Variants in XKR3 observed in about 807,000 individuals in gnomAD.
The protein encoded by XKR3 is XK-related protein 3.
In XKR3, 27 loss-of-function variants were observed where a neutral mutation model predicts 40.3. The ratio of observed to expected loss-of-function variants is 0.67; its 90% CI spans 0.49 to 0.92. XKR3 has a LOEUF of 0.92. Among genes scored for constraint, XKR3 ranks in the 40% least tolerant of loss-of-function variants. The pLI, the probability that XKR3 is intolerant of heterozygous loss-of-function variation, is 0.00. For synonymous variants in XKR3, 193 were observed against 195.4 expected (o/e 0.99, Z 0.10); for missense variants, 472 against 537.6 (o/e 0.88, Z 1.21).
intron 3 of XKR3, among the ~76,000 whole-genome samples, chr22:16,799,246 T>C (rs1024798370): frequency 6.6e-6 from 1 of 151,490 alleles, no homozygotes; most frequent in African/African-American, 2.4e-5. Flanking sequence ...ACCCGATCTC[T>C]ACTAAAAATA....
chr22:16,794,535 T>G (rs1325202076), intron 3 of XKR3, among the ~76,000 whole-genome samples: 2 of 152,164 alleles, frequency 1.3e-5, no homozygotes, highest in Non-Finnish European at 2.9e-5. Context: ...ACACTTTAAA[T>G]AGATTAGGCT....
At chr22:16,804,132 T>C (rs879738580) in intron 2 of XKR3, among the ~76,000 whole-genome samples, 2 of 151,434 alleles carry the variant, frequency 1.3e-5, no homozygotes, top group Non-Finnish European at 1.5e-5. Flanking sequence ...ATAAAAACAC[T>C]CAACAAACAG....
intron 3 of XKR3, among the ~76,000 whole-genome samples, chr22:16,789,688 A>G (rs1357761272): frequency 6.6e-6 from 1 of 152,200 alleles, no homozygotes; most frequent in Non-Finnish European, 1.5e-5. Context: ...TTAATATGAA[A>G]CCGCAGAAAA....
At chr22:16,792,394 G>A (rs2060124139) in intron 3 of XKR3, among the ~76,000 whole-genome samples, 1 of 152,212 alleles carries the variant, frequency 6.6e-6, no homozygotes, top group Admixed American at 6.5e-5. Flanking sequence ...ACAGATCTGT[G>A]CGTACAATGA....
chr22:16,797,261 C>CA (rs938948397), intron 3 of XKR3, among the ~76,000 whole-genome samples: 1 of 152,050 alleles, frequency 6.6e-6, no homozygotes, highest in African/African-American at 2.4e-5. Flanking sequence ...CTGATAGTGG[C>CA]AAAAAATTTT....
intron 2 of XKR3, among the ~76,000 whole-genome samples, chr22:16,802,509 T>C (rs561133199): frequency 1.1e-3 from 167 of 152,194 alleles, no homozygotes; most frequent in African/African-American, 3.8e-3. Context: ...TTTCTTTTTT[T>C]GAGACAGAGT....
intron 3 of XKR3, among the ~76,000 whole-genome samples, chr22:16,789,449 T>C (rs908029350): frequency 6.6e-6 from 1 of 152,114 alleles, no homozygotes; most frequent in African/African-American, 2.4e-5. Context: ...AAAAAACCTT[T>C]AGAGTAAATT....
intron 3 of XKR3, among the ~76,000 whole-genome samples, chr22:16,791,613 T>TTA (rs1269018675): frequency 6.6e-6 from 1 of 151,128 alleles, no homozygotes; most frequent in Non-Finnish European, 1.5e-5. Flanking sequence ...CTATTCCATG[T>TTA]TATATATATA....
rs531962930 is a variant in XKR3, at chr22:16,818,138, A to G, written c.-11+7153T>C. Among the ~76,000 whole-genome samples, 13 of 152,222 alleles carry G rather than the reference A, an allele frequency of 8.5e-5. No individual in the cohort carries two copies. The South Asian group carries it at 2.7e-3, about 32-fold the overall frequency. ...CTATAAAATCACTTTATTATAGGTA[A>G]ATCATATCATTTCATTCTCTGCAAT... On this transcript the variant is annotated intron_variant, in intron 1 of 3. Transcript: ENST00000684488.
At chr22:16,822,151 G>A (rs1413821697) in intron 1 of XKR3, among the ~76,000 whole-genome samples, 2 of 151,942 alleles carry the variant, frequency 1.3e-5, no homozygotes, top group African/African-American at 2.4e-5. Flanking sequence ...AAATGCAATT[G>A]ACTGTTGAAA....
intron 1 of XKR3, among the ~76,000 whole-genome samples, chr22:16,812,920 G>C (rs1171218610): frequency 6.6e-6 from 1 of 152,100 alleles, no homozygotes; most frequent in African/African-American, 2.4e-5. Flanking sequence ...ACAATATGAG[G>C]CTGTTCGTGA....
chr22:16,802,302 T>C (rs957128919), intron 2 of XKR3, among the ~76,000 whole-genome samples: 1 of 152,156 alleles, frequency 6.6e-6, no homozygotes, highest in African/African-American at 2.4e-5. Flanking sequence ...TTATCTTATA[T>C]GAAGAATTTT....
At chr22:16,813,080 A>C (rs1323444501) in intron 1 of XKR3, among the ~76,000 whole-genome samples, 1 of 152,076 alleles carries the variant, frequency 6.6e-6, no homozygotes, top group Admixed American at 6.6e-5. Flanking sequence ...GTCAGGAGAT[A>C]GAGATCATCC....
chr22:16,802,718 G>A (rs747149314), intron 2 of XKR3, among the ~76,000 whole-genome samples: 2 of 152,058 alleles, frequency 1.3e-5, no homozygotes, highest in Non-Finnish European at 2.9e-5. Context: ...TCGATCTCTT[G>A]ACCTTGTGAT....
At chr22:16,785,353 A>G (rs1311782007) in intron 3 of XKR3, among the ~76,000 whole-genome samples, 2 of 151,882 alleles carry the variant, frequency 1.3e-5, no homozygotes, top group Non-Finnish European at 2.9e-5. Flanking sequence ...GTGTGTGTGC[A>G]TGTGTGTGAT....
rs747406232 is a variant in XKR3 at position 16,799,957 on chromosome 22, G to C, written c.403C>G (p.Gln135Glu). ...KNLKQEKEET[Q>E]VSITKRNTML... Reference sequence around the variant, plus strand: ...GTGTTTCTCTTTGTGATGCTAACTTGAGTCTCTTCCTTCTCCTGTTTAAGA... The same window carrying C: ...GTGTTTCTCTTTGTGATGCTAACTTCAGTCTCTTCCTTCTCCTGTTTAAGA... The change falls in exon 3 of 4, where the codon CAA becomes GAA. Residue 135 changes from glutamine to glutamate, a missense_variant. Coordinates refer to ENST00000684488, the MANE Select transcript of XKR3 (RefSeq NM_001386955.1). 21 of 1,613,948 alleles carry C rather than the reference G, an allele frequency of 1.3e-5. 1 individual carries two copies. Among genetic ancestry groups the C allele is most frequent in the East Asian group, 1.1e-4 (5 of 44,878 alleles).
chr22:16,805,725 G>A (rs2060186819), intron 2 of XKR3, among the ~76,000 whole-genome samples: 1 of 151,974 alleles, frequency 6.6e-6, no homozygotes, highest in Admixed American at 6.6e-5. Flanking sequence ...CATCAAACTG[G>A]TAATAAGAAT....
At chr22:16,786,819 C>T (rs2060092660) in intron 3 of XKR3, among the ~76,000 whole-genome samples, 1 of 152,124 alleles carries the variant, frequency 6.6e-6, no homozygotes, top group Non-Finnish European at 1.5e-5. Context: ...AATCAGGCAC[C>T]TATATCATTG....
At chr22:16,792,035 G>A (rs1178257103) in intron 3 of XKR3, among the ~76,000 whole-genome samples, 1 of 151,972 alleles carries the variant, frequency 6.6e-6, no homozygotes, top group Non-Finnish European at 1.5e-5. Flanking sequence ...TCCGTCTGCT[G>A]GGTTCAAGCC....
Sources: gnomAD v4.1 joint callset for allele counts (sites outside exome capture counted in the v4.1 genomes callset) on GRCh38, gnomAD v4.1.1 for gene constraint, MANE v1.5 for transcripts, NCBI Gene and HGNC (gene_info 2026-07-23, HGNC 2026-07-21) for gene names.